Variants in CYP4X1 observed in about 807,000 individuals in gnomAD.
The protein encoded by CYP4X1 is cytochrome P450 family 4 subfamily X member 1.
A neutral mutation model predicts 57.9 loss-of-function variants in CYP4X1; 44 were observed. The ratio of observed to expected loss-of-function variants is 0.76; its 90% CI spans 0.60 to 0.98. The LOEUF is 0.98. Among genes scored for constraint, CYP4X1 ranks in the 50% least tolerant of loss-of-function variants. The probability of loss-of-function intolerance (pLI) is 0.00; values close to 1 mark genes in which losing one functional copy is unlikely to be tolerated. For synonymous variants in CYP4X1, 227 were observed against 228.6 expected (o/e 0.99, Z 0.06); for missense variants, 532 against 623.9 (o/e 0.85, Z 1.57).
At chr1:47,037,234 T>C (rs1245039665) in intron 6 of CYP4X1, among the ~76,000 whole-genome samples, 1 of 151,948 alleles carries the variant, frequency 6.6e-6, no homozygotes, top group Non-Finnish European at 1.5e-5. Flanking sequence ...AGGGAAAATA[T>C]TAAATGTTAA....
chr1:46,978,516 C>T, the CYP4X1 span, among the ~76,000 whole-genome samples: 1 of 151,940 alleles, frequency 6.6e-6, no homozygotes, highest in Non-Finnish European at 1.5e-5. Flanking sequence ...TAGACTCCCA[C>T]ACAATAATGG....
intron 7 of CYP4X1, 80 bp downstream of exon 7, chr1:47,038,846 G>A: frequency 9.0e-7 from 1 of 1,109,200 alleles, no homozygotes. Context: ...ATGGGATGGG[G>A]AGACAAGAAT....
intron 1 of CYP4X1, among the ~76,000 whole-genome samples, chr1:47,028,296 C>T (rs1161415877): frequency 6.6e-6 from 1 of 152,104 alleles, no homozygotes; most frequent in East Asian, 1.9e-4. Flanking sequence ...TTAGTGGTTG[C>T]CAGCTGTACA....
the CYP4X1 span, among the ~76,000 whole-genome samples, chr1:47,010,980 G>T: frequency 6.6e-6 from 1 of 152,134 alleles, no homozygotes; most frequent in Admixed American, 6.6e-5. Flanking sequence ...TGGCTATACT[G>T]CCCATGGTAA....
chr1:46,967,545 A>T, the CYP4X1 span: 17 of 225,926 alleles, frequency 7.5e-5, no homozygotes, highest in Admixed American at 1.8e-4. Context: ...GGCAGACAAC[A>T]TGGAGTACAG....
rs892404572 is a variant in CYP4X1 at position 47,033,313 on chromosome 1, T to G, written c.437T>G (p.Phe146Cys). 2.5e-6 allele frequency: 4 copies of G among 1,613,802 alleles called. No homozygotes were observed. Among genetic ancestry groups the G allele is most frequent in the Admixed American group, 3.3e-5 (2 of 59,972 alleles). ...HRRLLTPGFH[F>C]NILKAYIEVM... is the part of the protein sequence containing the mutation. ...CGCCTACTAACTCCTGGATTCCATT[T>G]TAACATCCTGAAAGCATACATTGAG... Residue 146 changes from phenylalanine to cysteine, a missense_variant, in exon 4 of 12, where the codon TTT becomes TGT. Transcript: ENST00000371901.
chr1:47,035,901 T>C lies in CYP4X1; in HGVS notation c.588T>C (p.Ala196=). The C allele has an allele frequency of 6.2e-7, 1 of 1,613,708 alleles. No individual in the cohort carries two copies. The highest frequency in any genetic ancestry group is 1.1e-5 in the South Asian group (1 of 91,040). Residue 196 remains alanine (A), a synonymous_variant, in exon 5 of 12, where the codon GCT becomes GCC. Coordinates refer to ENST00000371901, the MANE Select transcript of CYP4X1 (RefSeq NM_178033.2). The stretch of plus-strand genomic sequence containing the variant: ...CTCTGGATATAATCATGAAATGCGC[T>C]TTCAGCAAGGAGACCAACTGCCAGA... The part of the protein sequence containing the change: ...SMSLDIIMKC[A]FSKETNCQTN...
upstream of CYP4X1, among the ~76,000 whole-genome samples, chr1:47,020,429 T>C (rs1423580765): frequency 6.6e-6 from 1 of 152,220 alleles, no homozygotes; most frequent in East Asian, 1.9e-4. Context: ...TTTTTTCACA[T>C]TTTCTTCTCA....
the CYP4X1 span, among the ~76,000 whole-genome samples, chr1:47,006,638 C>T: frequency 3.7e-3 from 565 of 152,196 alleles, 3 homozygotes; most frequent in African/African-American, 0.013. Flanking sequence ...TGAGTCATCG[C>T]GTCACCCAGG....
chr1:47,017,043 T>C, the CYP4X1 span, among the ~76,000 whole-genome samples: 13 of 152,218 alleles, frequency 8.5e-5, no homozygotes, highest in African/African-American at 3.1e-4. Context: ...TCATTCTTTT[T>C]TATGGCTGAA....
Position 47,038,736 on chromosome 1 carries a change from G to C in CYP4X1, c.852G>C (p.Gln284His), listed in dbSNP as rs376000916. Residue 284 changes from glutamine (Q) to histidine (H), a missense_variant, in exon 7 of 12, where the codon CAG becomes CAC. Gln to His is a conservative substitution (Grantham distance 24, BLOSUM62 0). Coordinates refer to ENST00000371901, the MANE Select transcript of CYP4X1 (RefSeq NM_178033.2). ...KQDNTPKRKYQDFLDIVLSAK... is the reference protein window; with the variant it reads ...KQDNTPKRKYHDFLDIVLSAK... ...ATAACACTCCGAAGAGGAAGTACCAGGATTTTCTGGATATTGTCCTTTCTG... is the reference window on the plus strand; with the variant it reads ...ATAACACTCCGAAGAGGAAGTACCACGATTTTCTGGATATTGTCCTTTCTG... 1.4e-5 allele frequency: 22 copies of C among 1,610,130 alleles called. No homozygotes were observed. Among genetic ancestry groups the C allele is most frequent in the Non-Finnish European group, 1.8e-5 (21 of 1,178,112 alleles).
the CYP4X1 span, among the ~76,000 whole-genome samples, chr1:47,009,131 CACCACACCTATTCCAAAATTG>C: frequency 6.6e-6 from 1 of 152,210 alleles, no homozygotes; most frequent in Non-Finnish European, 1.5e-5. Flanking sequence ...TTCAGCACCA[CACCACACCTATTCCAAAATTG>C]ACCACATAGT....
chr1:47,051,038 GA>G (rs1270998498), downstream of CYP4X1, among the ~76,000 whole-genome samples: 1 of 151,724 alleles, frequency 6.6e-6, no homozygotes, highest in Non-Finnish European at 1.5e-5. Flanking sequence ...AAATGTACAA[GA>G]AAAAAACAAC....
chr1:46,972,154 A>G, the CYP4X1 span, among the ~76,000 whole-genome samples: 4 of 152,282 alleles, frequency 2.6e-5, no homozygotes, highest in South Asian at 6.2e-4. Context: ...TCTTCTACAC[A>G]TGGCTAGCCA....
the CYP4X1 span, among the ~76,000 whole-genome samples, chr1:46,970,882 T>C: frequency 1.3e-5 from 2 of 152,126 alleles, no homozygotes; most frequent in Non-Finnish European, 2.9e-5. Flanking sequence ...AGAGAGGTGG[T>C]TTTTTAATTC....
At chr1:47,048,742 A>G in intron 10 of CYP4X1, 113 bp downstream of exon 10, 1 of 1,007,088 alleles carries the variant, frequency 9.9e-7, no homozygotes, top group South Asian at 1.6e-5. Flanking sequence ...CACAAATTAA[A>G]CAAAAATAAA....
the CYP4X1 span, among the ~76,000 whole-genome samples, chr1:46,992,371 C>T: frequency 1.3e-5 from 2 of 152,164 alleles, no homozygotes; most frequent in African/African-American, 4.8e-5. Flanking sequence ...ATTTTCTTCA[C>T]TCCAACAGAA....
Position 47,050,096 on chromosome 1 carries a change from T to G in CYP4X1, c.1452T>G (p.Pro484=), listed in dbSNP as rs1488944868. Residue 484 remains proline, a synonymous_variant, in exon 12 of 12, where the codon CCT becomes CCG. Coordinates refer to ENST00000371901, the MANE Select transcript of CYP4X1 (RefSeq NM_178033.2). ...HFRVTPDPTR[P]LTFPNHFILK... is the part of the protein sequence containing the mutation. The stretch of plus-strand genomic sequence containing the variant: ...GAGTGACTCCAGACCCCACCAGGCC[T>G]CTTACTTTCCCCAACCATTTTATCC... The G allele has an allele frequency of 1.2e-6, 2 of 1,613,964 alleles. No individual in the cohort carries two copies. Among genetic ancestry groups the G allele is most frequent in the African/African-American group, 1.3e-5 (1 of 74,902 alleles).
chr1:47,047,243 C>T (rs542544066), intron 9 of CYP4X1, among the ~76,000 whole-genome samples: 12 of 152,204 alleles, frequency 7.9e-5, no homozygotes, highest in African/African-American at 2.4e-4. Context: ...TAGAGTTCTT[C>T]GGAACAACAC....
Sources: gnomAD v4.1 joint callset for allele counts (sites outside exome capture counted in the v4.1 genomes callset) on GRCh38, gnomAD v4.1.1 for gene constraint, MANE v1.5 for transcripts, NCBI Gene and HGNC (gene_info 2026-07-23, HGNC 2026-07-21) for gene names.